The following MAGI2 variants were observed in gnomAD, a reference collection of about 807,000 sequenced individuals.
MAGI2 encodes membrane-associated guanylate kinase, WW and PDZ domain-containing protein 2.
MAGI2 carries 35 observed loss-of-function variants against 133.3 expected under a neutral mutation model. That is an observed-to-expected ratio of 0.26 (90% CI 0.20 to 0.35). MAGI2 has a LOEUF of 0.35. MAGI2 is among the 10% of genes least tolerant of loss of function. The pLI, the probability that MAGI2 is intolerant of heterozygous loss-of-function variation, is 1.00. For synonymous variants in MAGI2, 729 were observed against 710.6 expected (o/e 1.03, Z -0.41); for missense variants, 1,636 against 1,863.4 (o/e 0.88, Z 2.25).
At chr7:78,762,736 T>C (rs539464096) in intron 2 of MAGI2, among the ~76,000 whole-genome samples, 6 of 152,334 alleles carry the variant, frequency 3.9e-5, no homozygotes, top group African/African-American at 1.4e-4. Context: ...AATTATGTGG[T>C]ATGAATATGT....
intron 2 of MAGI2, among the ~76,000 whole-genome samples, chr7:78,739,934 G>A (rs1422884170): frequency 2.6e-5 from 4 of 152,008 alleles, no homozygotes; most frequent in South Asian, 4.1e-4. Flanking sequence ...CGAGGCGGGC[G>A]GATCACGACG....
intron 1 of MAGI2, among the ~76,000 whole-genome samples, chr7:79,063,636 T>C (rs1472760322): frequency 1.3e-5 from 2 of 152,120 alleles, no homozygotes; most frequent in African/African-American, 4.8e-5. Flanking sequence ...ATATTTAAGC[T>C]ACTCTGTATT....
chr7:78,161,688 G>GA (rs397753924), intron 15 of MAGI2, among the ~76,000 whole-genome samples: 10,556 of 107,190 alleles, frequency 0.098, 519 homozygotes, highest in East Asian at 0.28. Context: ...AAAAAAAAAA[G>GA]AAAAAAAAAA....
At chr7:79,412,360 C>T (rs1846202374) in intron 1 of MAGI2, 1 of 152,056 alleles carries the variant, frequency 6.6e-6, no homozygotes, top group Non-Finnish European at 1.5e-5. Flanking sequence ...CTGGAGAGCT[C>T]CTGTTTTCTA....
chr7:79,086,103 G>C (rs1045535849), intron 1 of MAGI2, among the ~76,000 whole-genome samples: 2 of 151,788 alleles, frequency 1.3e-5, no homozygotes, highest in African/African-American at 4.8e-5. Flanking sequence ...ATTGTTTTTA[G>C]CCTGTCTCTC....
chr7:79,137,866 G>T (rs10255742), intron 1 of MAGI2, among the ~76,000 whole-genome samples: 93,370 of 151,942 alleles, frequency 0.61, 31,097 homozygotes, highest in Non-Finnish European at 0.74. Context: ...GTTACCATAC[G>T]TGGCACACAG....
chr7:78,153,393 G>C (rs1297070078), intron 16 of MAGI2, among the ~76,000 whole-genome samples: 1 of 152,202 alleles, frequency 6.6e-6, no homozygotes, highest in African/African-American at 2.4e-5. Context: ...ACCAGGCGTA[G>C]AGCCTCCTGG....
intron 2 of MAGI2, among the ~76,000 whole-genome samples, chr7:78,648,989 A>G (rs1341129301): frequency 1.3e-5 from 2 of 151,976 alleles, no homozygotes; most frequent in African/African-American, 4.8e-5. Context: ...TGAAGCCCAT[A>G]CCCTTAGCCA....
At chr7:78,924,850 C>T (rs570861764) in intron 2 of MAGI2, among the ~76,000 whole-genome samples, 5 of 147,688 alleles carry the variant, frequency 3.4e-5, no homozygotes, top group South Asian at 2.1e-4. Flanking sequence ...ATTATTATTA[C>T]TACTATTATT....
chr7:78,232,457 G>A (rs1291183110), intron 10 of MAGI2, among the ~76,000 whole-genome samples: 1 of 152,094 alleles, frequency 6.6e-6, no homozygotes, highest in Non-Finnish European at 1.5e-5. Context: ...CAAATTGTCC[G>A]CTCAATTACC....
chr7:78,829,224 G>T (rs138681997), intron 2 of MAGI2, among the ~76,000 whole-genome samples: 4 of 151,792 alleles, frequency 2.6e-5, no homozygotes, highest in Non-Finnish European at 4.4e-5. Flanking sequence ...GTCCATCTAG[G>T]TTACAAGATT....
intron 2 of MAGI2, among the ~76,000 whole-genome samples, chr7:78,723,007 C>G (rs191013194): frequency 2.0e-5 from 3 of 151,862 alleles, no homozygotes; most frequent in Admixed American, 6.6e-5. Flanking sequence ...GAAATTATTG[C>G]CAAAGAGCAC....
chr7:78,455,815 G>C (rs575545400), intron 6 of MAGI2, among the ~76,000 whole-genome samples: 19 of 151,750 alleles, frequency 1.3e-4, no homozygotes, highest in Non-Finnish European at 2.4e-4. Context: ...ATTTTTTTTC[G>C]TCTTTTCTTT....
chr7:78,830,097 T>C (rs945188784), intron 2 of MAGI2, among the ~76,000 whole-genome samples: 4 of 152,132 alleles, frequency 2.6e-5, no homozygotes, highest in Non-Finnish European at 5.9e-5. Context: ...CTTTTATAAC[T>C]TTCATCAAAA....
chr7:79,342,067 C>G (rs1454781235), intron 1 of MAGI2, among the ~76,000 whole-genome samples: 1 of 152,170 alleles, frequency 6.6e-6, no homozygotes, highest in Non-Finnish European at 1.5e-5. Context: ...GAGGCTGATT[C>G]TCAATGAGAA....
intron 1 of MAGI2, among the ~76,000 whole-genome samples, chr7:79,085,010 T>C (rs963069922): frequency 6.6e-6 from 1 of 151,874 alleles, no homozygotes; most frequent in Non-Finnish European, 1.5e-5. Flanking sequence ...ATTATTTATA[T>C]TTGGCTTTAA....
intron 2 of MAGI2, among the ~76,000 whole-genome samples, chr7:78,718,457 A>C (rs1375348373): frequency 6.6e-6 from 1 of 152,060 alleles, no homozygotes; most frequent in African/African-American, 2.4e-5. Flanking sequence ...CATTCCTTGG[A>C]TTACCGCCTG....
At chr7:79,300,402 T>C (rs1407817347) in intron 1 of MAGI2, among the ~76,000 whole-genome samples, 1 of 152,184 alleles carries the variant, frequency 6.6e-6, no homozygotes, top group East Asian at 1.9e-4. Flanking sequence ...CTTGGCTGCA[T>C]TTTGTTCATG....
At chr7:79,294,521 G>A (rs923213199) in intron 1 of MAGI2, among the ~76,000 whole-genome samples, 1 of 152,018 alleles carries the variant, frequency 6.6e-6, no homozygotes, top group Non-Finnish European at 1.5e-5. Flanking sequence ...GCACAGGCCT[G>A]TCTGTCAGAG....
Sources: gnomAD v4.1 joint callset for allele counts (sites outside exome capture counted in the v4.1 genomes callset) on GRCh38, gnomAD v4.1.1 for gene constraint, MANE v1.5 for transcripts, NCBI Gene and HGNC (gene_info 2026-07-23, HGNC 2026-07-21) for gene names.